Variants in MSRA observed in about 807,000 individuals in gnomAD.
MSRA encodes mitochondrial peptide methionine sulfoxide reductase.
In MSRA, 54 loss-of-function variants were observed where a neutral mutation model predicts 31.3. That is an observed-to-expected ratio of 1.73 (90% confidence interval 1.39 to 2.17). The LOEUF is 2.17. Among genes scored for constraint, MSRA ranks in the 30% most tolerant of loss-of-function variants. The pLI, the probability that MSRA is intolerant of heterozygous loss-of-function variation, is 0.00. For synonymous variants in MSRA, 169 were observed against 116.5 expected, an observed-to-expected ratio of 1.45 and a Z score of -2.90; for missense variants, 507 against 300.9, an observed-to-expected ratio of 1.69 and a Z score of -5.07.
chr8:10,113,289 C>CTTTTTTTTTTTTTTTTTTTTT lies in MSRA; in HGVS notation c.142+58633_142+58634insTTTTTTTTTTTTTTTTTTTTT, dbSNP rs1467440154. Among the ~76,000 whole-genome samples, 98 of 50,900 alleles carry CTTTTTTTTTTTTTTTTTTTTT rather than the reference C, an allele frequency of 1.9e-3. 10 individuals carry two copies. Among genetic ancestry groups the CTTTTTTTTTTTTTTTTTTTTT allele is most frequent in the South Asian group, 2.8e-3 (3 of 1,062 alleles). 33.4% of individuals were successfully genotyped at this position (50,900 alleles called of 152,430 possible). A position where few individuals can be genotyped will look rare whatever the true frequency, so the allele number is the denominator to read the frequency against. ...AGGCATGGCTTTGGTGAAGACAGGTCTTCTTTTTTTTTTTTTTTTTTTTTT... is the reference window on the plus strand; with the variant it reads ...AGGCATGGCTTTGGTGAAGACAGGTCTTTTTTTTTTTTTTTTTTTTTTTCTTTTTTTTTTTTTTTTTTTTTT... On this transcript the variant is annotated intron_variant, in intron 1 of 5. Transcript: ENST00000317173.
chr8:10,319,900 G>T lies in MSRA; in HGVS notation c.454G>T (p.Asp152Tyr). The T allele has an allele frequency of 6.4e-7, 1 of 1,560,672 alleles. No homozygotes were observed. The highest frequency in any genetic ancestry group is 1.2e-5 in the South Asian group (1 of 80,384). Residue 152 changes from aspartate (D) to tyrosine (Y), a missense_variant, in exon 5 of 6, where the codon GAC becomes TAC. Physicochemically the swap from Asp to Tyr is radical, Grantham distance 160. Coordinates refer to ENST00000317173, the MANE Select transcript of MSRA (RefSeq NM_012331.5). The stretch of plus-strand genomic sequence containing the variant: ...TTTCCTAGGTATGCGCCAGGGGAAC[G>T]ACCATGGCACTCAGTACCGCTCGGC... ...DPTQGMRQGN[D>Y]HGTQYRSAIY... is the part of the protein sequence containing the mutation.
chr8:10,101,711 C>T (rs1030716327), intron 1 of MSRA, among the ~76,000 whole-genome samples: 5 of 152,154 alleles, frequency 3.3e-5, no homozygotes, highest in Admixed American at 3.3e-4. Context: ...TAGCATGTGT[C>T]AGAATTTCCT....
intron 3 of MSRA, among the ~76,000 whole-genome samples, chr8:10,292,278 T>G (rs1800278144): frequency 6.6e-6 from 1 of 152,152 alleles, no homozygotes; most frequent in Admixed American, 6.5e-5. Flanking sequence ...AAGTGAGTGG[T>G]GGGCAGATGC....
At chr8:10,400,387 T>TGTCTAGC (rs1807383762) in intron 5 of MSRA, among the ~76,000 whole-genome samples, 10 of 149,312 alleles carry the variant, frequency 6.7e-5, no homozygotes, top group Admixed American at 6.6e-4. Flanking sequence ...GTGTGTGTAG[T>TGTCTAGC]GTGTAGTGTG....
At chr8:10,418,653 C>T (rs760211763) in intron 5 of MSRA, among the ~76,000 whole-genome samples, 2 of 151,906 alleles carry the variant, frequency 1.3e-5, no homozygotes, top group Non-Finnish European at 2.9e-5. Flanking sequence ...CGTTCAGGTT[C>T]CTTTCTAGTA....
chr8:10,124,233 T>G (rs1200409542), intron 1 of MSRA, among the ~76,000 whole-genome samples: 1 of 151,866 alleles, frequency 6.6e-6, no homozygotes, highest in East Asian at 1.9e-4. Flanking sequence ...GACAGGGAGA[T>G]CATTGGCAAA....
intron 1 of MSRA, among the ~76,000 whole-genome samples, chr8:10,131,635 G>A (rs1204810358): frequency 6.6e-6 from 1 of 152,206 alleles, no homozygotes; most frequent in African/African-American, 2.4e-5. Context: ...TCCCTATGGA[G>A]CTTGTTAGAA....
chr8:10,187,677 T>G (rs1342270642), intron 1 of MSRA, among the ~76,000 whole-genome samples: 1 of 152,224 alleles, frequency 6.6e-6, no homozygotes, highest in Non-Finnish European at 1.5e-5. Flanking sequence ...ACACTAAGCG[T>G]TACCGGCAGG....
intron 5 of MSRA, among the ~76,000 whole-genome samples, chr8:10,347,509 C>G (rs769126083): frequency 2.0e-5 from 3 of 152,332 alleles, no homozygotes; most frequent in Non-Finnish European, 4.4e-5. Context: ...TCATCTCTTG[C>G]ATTTCTGTCC....
Position 10,064,992 on chromosome 8 carries a change from G to T in MSRA, c.142+10334G>T, listed in dbSNP as rs183796253. ...AAACCGCGTAAGAGTTTGCAGAATG[G>T]AATGGTAGGCTGTCACAGAGCCCCC... On this transcript the variant is annotated intron_variant, in intron 1 of 5. Transcript: ENST00000317173. 2.0e-5 allele frequency among the ~76,000 whole-genome samples: 3 copies of T among 152,266 alleles called. No individual in the cohort carries two copies. In the East Asian group the frequency reaches 5.8e-4, roughly 29 times the overall value.
At chr8:10,084,802 T>C (rs1798472068) in intron 1 of MSRA, among the ~76,000 whole-genome samples, 1 of 152,232 alleles carries the variant, frequency 6.6e-6, no homozygotes, top group Non-Finnish European at 1.5e-5. Flanking sequence ...TTTTCTGTTT[T>C]AGAATTTTAG....
intron 2 of MSRA, among the ~76,000 whole-genome samples, chr8:10,234,257 A>T (rs929123679): frequency 1.5e-4 from 23 of 152,286 alleles, no homozygotes; most frequent in Non-Finnish European, 2.6e-4. Context: ...AAGCAATTTT[A>T]AAAAAATAAC....
chr8:10,141,850 G>A (rs572967995), intron 1 of MSRA, among the ~76,000 whole-genome samples: 3 of 152,268 alleles, frequency 2.0e-5, no homozygotes, highest in East Asian at 3.9e-4. Context: ...TAGGATTACC[G>A]TGGTTGCACT....
intron 1 of MSRA, among the ~76,000 whole-genome samples, chr8:10,112,163 T>C (rs540318052): frequency 6.6e-6 from 1 of 152,280 alleles, no homozygotes; most frequent in East Asian, 1.9e-4. Flanking sequence ...CTCCTTATTT[T>C]AAAAGAGCAA....
intron 2 of MSRA, among the ~76,000 whole-genome samples, chr8:10,212,213 A>G (rs952702808): frequency 2.0e-5 from 3 of 152,070 alleles, no homozygotes; most frequent in Non-Finnish European, 2.9e-5. Context: ...AAACTTTACT[A>G]TCTTTGAACA....
intron 1 of MSRA, among the ~76,000 whole-genome samples, chr8:10,113,431 G>A (rs1481605304): frequency 6.6e-6 from 1 of 151,050 alleles, no homozygotes; most frequent in Non-Finnish European, 1.5e-5. Context: ...TGAAAGAGGA[G>A]GGGAAACAGC....
chr8:10,119,094 CT>C (rs1428580877), intron 1 of MSRA, among the ~76,000 whole-genome samples: 2 of 152,156 alleles, frequency 1.3e-5, no homozygotes, highest in East Asian at 3.9e-4. Flanking sequence ...TTTTAGCCTT[CT>C]GTATATCTGC....
intron 3 of MSRA, among the ~76,000 whole-genome samples, chr8:10,265,087 G>A (rs555404862): frequency 6.6e-6 from 1 of 152,272 alleles, no homozygotes; most frequent in East Asian, 1.9e-4. Flanking sequence ...CATTTTACCT[G>A]CAGCTGATTC....
intron 5 of MSRA, among the ~76,000 whole-genome samples, chr8:10,350,589 C>T (rs545200752): frequency 6.6e-5 from 10 of 152,322 alleles, no homozygotes; most frequent in Non-Finnish European, 1.3e-4. Context: ...GGTCAGCAGC[C>T]GTAATGTTTG....
Sources: gnomAD v4.1 joint callset for allele counts (sites outside exome capture counted in the v4.1 genomes callset) on GRCh38, gnomAD v4.1.1 for gene constraint, MANE v1.5 for transcripts, NCBI Gene and HGNC (gene_info 2026-07-23, HGNC 2026-07-21) for gene names.